PTPRD: variants seen among roughly 807,000 people sequenced by gnomAD.
PTPRD encodes the protein protein tyrosine phosphatase receptor type D.
In PTPRD, 34 loss-of-function variants were observed where a neutral mutation model predicts 214.5. The ratio of observed to expected loss-of-function variants is 0.16; its 90% confidence interval spans 0.12 to 0.21. PTPRD has a LOEUF of 0.21. Ranked by LOEUF, PTPRD falls within the 10% of genes least tolerant of loss-of-function variation. The pLI, the probability that PTPRD is intolerant of heterozygous loss-of-function variation, is 1.00. For missense variants in PTPRD, 2,545 were observed against 2,398.7 expected (o/e 1.06, Z -1.27); for synonymous variants, 1,128 against 845.7 (o/e 1.33, Z -5.79).
At chr9:9,225,855 A>C (rs573128841) in intron 9 of PTPRD, among the ~76,000 whole-genome samples, 1 of 152,114 alleles carries the variant, frequency 6.6e-6, no homozygotes, top group Non-Finnish European at 1.5e-5. Flanking sequence ...GGAAGGTCAT[A>C]ATATAGTATC....
At position 8,778,595 on chromosome 9, in the gene PTPRD, A is replaced by G. The variant is rs1277975844; in HGVS notation, c.-103-44649T>C. On this transcript the variant is annotated intron_variant, in intron 11 of 45. Coordinates refer to ENST00000381196, the MANE Select transcript of PTPRD (RefSeq NM_002839.4). Reference sequence around the variant, plus strand: ...GTGACTTCCAAGCTCCACAGGACCAATTCTGCTTTGTTGAGGAAAGCACCT... The same window carrying G: ...GTGACTTCCAAGCTCCACAGGACCAGTTCTGCTTTGTTGAGGAAAGCACCT... Among the ~76,000 whole-genome samples the G allele has an allele frequency of 2.6e-5, 4 of 152,292 alleles. No homozygotes were observed. The East Asian group carries it at 5.8e-4, about 22-fold the overall frequency.
intron 2 of PTPRD, among the ~76,000 whole-genome samples, chr9:10,551,701 G>A (rs1000692085): frequency 1.3e-5 from 2 of 152,240 alleles, no homozygotes; most frequent in Non-Finnish European, 2.9e-5. Context: ...AAGTTACCCA[G>A]TCTATGGCAT....
At chr9:9,892,995 T>C (rs1331099328) in intron 5 of PTPRD, among the ~76,000 whole-genome samples, 1 of 152,082 alleles carries the variant, frequency 6.6e-6, no homozygotes, top group Non-Finnish European at 1.5e-5. Context: ...ATCATAAATT[T>C]GGTTTTAGAC....
At chr9:9,502,781 T>C (rs541606408) in intron 8 of PTPRD, among the ~76,000 whole-genome samples, 40 of 152,058 alleles carry the variant, frequency 2.6e-4, no homozygotes, top group African/African-American at 9.6e-4. Flanking sequence ...ACAACATGTA[T>C]ACATCCTAAA....
intron 2 of PTPRD, among the ~76,000 whole-genome samples, chr9:10,369,943 A>G (rs1352941834): frequency 1.3e-5 from 2 of 152,152 alleles, no homozygotes; most frequent in Non-Finnish European, 2.9e-5. Context: ...GCTTAATTAT[A>G]TGCGAGGCAT....
At chr9:10,003,317 G>A (rs2096380976) in intron 4 of PTPRD, among the ~76,000 whole-genome samples, 1 of 151,788 alleles carries the variant, frequency 6.6e-6, no homozygotes, top group South Asian at 2.1e-4. Flanking sequence ...AAGATACTTA[G>A]ATTTCATAAA....
chr9:9,369,247 T>A (rs530015637), intron 9 of PTPRD, among the ~76,000 whole-genome samples: 61 of 152,236 alleles, frequency 4.0e-4, no homozygotes, highest in African/African-American at 1.4e-3. Context: ...TGTTCCTATT[T>A]CTCCACATCC....
At chr9:8,393,431 T>C (rs1239761715) in intron 36 of PTPRD, among the ~76,000 whole-genome samples, 1 of 152,160 alleles carries the variant, frequency 6.6e-6, no homozygotes, top group Non-Finnish European at 1.5e-5. Flanking sequence ...TTTTTGGGTT[T>C]CCTGTTTGTT....
At chr9:9,795,009 C>T (rs866664346) in intron 5 of PTPRD, among the ~76,000 whole-genome samples, 1 of 152,332 alleles carries the variant, frequency 6.6e-6, no homozygotes, top group South Asian at 2.1e-4. Context: ...TTAAAACCAA[C>T]AGCTTGAGCT....
intron 11 of PTPRD, among the ~76,000 whole-genome samples, chr9:9,017,993 T>A (rs2099543404): frequency 6.6e-6 from 1 of 152,210 alleles, no homozygotes; most frequent in Non-Finnish European, 1.5e-5. Context: ...ATATTTACAA[T>A]GAAGTGCAAG....
intron 39 of PTPRD, among the ~76,000 whole-genome samples, chr9:8,350,740 G>A (rs751097870): frequency 6.6e-6 from 1 of 151,314 alleles, no homozygotes; most frequent in Middle Eastern, 3.2e-3. Flanking sequence ...TAATTTCTTT[G>A]ACAAAATATT....
At chr9:9,338,475 A>G (rs2045481211) in intron 9 of PTPRD, among the ~76,000 whole-genome samples, 1 of 152,170 alleles carries the variant, frequency 6.6e-6, no homozygotes, top group African/African-American at 2.4e-5. Flanking sequence ...TAGTTAAAAA[A>G]CATTTTAATT....
At chr9:9,260,595 G>C (rs896994943) in intron 9 of PTPRD, among the ~76,000 whole-genome samples, 1 of 151,736 alleles carries the variant, frequency 6.6e-6, no homozygotes, top group East Asian at 2.0e-4. Context: ...GAAAGAGTAG[G>C]GTGAGGTAGG....
intron 10 of PTPRD, among the ~76,000 whole-genome samples, chr9:9,061,518 A>G (rs1003253850): frequency 1.3e-5 from 2 of 152,086 alleles, no homozygotes; most frequent in Non-Finnish European, 2.9e-5. Flanking sequence ...CTCTTTGCCC[A>G]TATATAGCCT....
chr9:9,131,309 C>A (rs1177296655), intron 10 of PTPRD, among the ~76,000 whole-genome samples: 32 of 152,036 alleles, frequency 2.1e-4, no homozygotes, highest in Admixed American at 2.1e-3. Context: ...ACAAAAATAT[C>A]ATTTTGAAGA....
intron 12 of PTPRD, among the ~76,000 whole-genome samples, chr9:8,637,911 G>A (rs561118993): frequency 6.6e-6 from 1 of 152,108 alleles, no homozygotes; most frequent in Non-Finnish European, 1.5e-5. Context: ...TATATGTGGG[G>A]ATAGCAGATA....
At chr9:9,293,999 G>A (rs1032154055) in intron 9 of PTPRD, among the ~76,000 whole-genome samples, 1 of 151,564 alleles carries the variant, frequency 6.6e-6, no homozygotes, top group Admixed American at 6.6e-5. Context: ...TCATTATTAA[G>A]TAAAATAAGG....
At chr9:8,461,702 C>T (rs2096408886) in intron 32 of PTPRD, among the ~76,000 whole-genome samples, 1 of 151,352 alleles carries the variant, frequency 6.6e-6, no homozygotes, top group Non-Finnish European at 1.5e-5. Context: ...AAACTTTTAT[C>T]TCTGGCTCTC....
intron 14 of PTPRD, among the ~76,000 whole-genome samples, chr9:8,606,255 C>A (rs35565936): frequency 0.12 from 18,442 of 151,968 alleles, 1,120 homozygotes; most frequent in East Asian, 0.17. Flanking sequence ...ACACACACAC[C>A]CCCTCACAGT....
Sources: gnomAD v4.1 joint callset for allele counts (sites outside exome capture counted in the v4.1 genomes callset) on GRCh38, gnomAD v4.1.1 for gene constraint, MANE v1.5 for transcripts, NCBI Gene and HGNC (gene_info 2026-07-23, HGNC 2026-07-21) for gene names.